Variants in GRID2 observed in about 807,000 individuals in gnomAD.
GRID2 encodes the protein glutamate receptor ionotropic, delta-2.
A neutral mutation model predicts 114.8 loss-of-function variants in GRID2; 33 were observed. The ratio of observed to expected loss-of-function variants is 0.29; its 90% CI spans 0.22 to 0.38. The LOEUF (loss-of-function observed/expected upper bound fraction) is 0.38, where lower values mean the gene tolerates loss of function less well. GRID2 is among the 10% of genes least tolerant of loss of function. The pLI, the probability that GRID2 is intolerant of heterozygous loss-of-function variation, is 1.00. For synonymous variants in GRID2, 505 were observed against 449.9 expected, an observed-to-expected ratio of 1.12 and a Z score of -1.55; for missense variants, 1,184 against 1,257.7, an observed-to-expected ratio of 0.94 and a Z score of 0.89.
chr4:93,678,098 G>A (rs975687917), intron 14 of GRID2, among the ~76,000 whole-genome samples: 28 of 152,168 alleles, frequency 1.8e-4, no homozygotes, highest in African/African-American at 5.1e-4. Context: ...TGATGGAGCC[G>A]AAAGCCAAGG....
intron 13 of GRID2, among the ~76,000 whole-genome samples, chr4:93,533,294 CTTCCTTCCTTCCTTCCTTCCTTCT>C (rs1272637781): frequency 1.0e-4 from 11 of 105,808 alleles, no homozygotes; most frequent in Non-Finnish European, 2.0e-4. Flanking sequence ...TCCTTCCTTC[CTTCCTTCCTTCCTTCCTTCCTTCT>C]TTCCTTTCTT....
chr4:93,406,586 A>G (rs1043513801), intron 9 of GRID2, among the ~76,000 whole-genome samples: 8 of 152,184 alleles, frequency 5.3e-5, no homozygotes, highest in Admixed American at 2.0e-4. Context: ...GCCAGAGCTC[A>G]CACATGATTT....
chr4:93,691,720 T>C (rs1219546265), intron 14 of GRID2, among the ~76,000 whole-genome samples: 1 of 152,014 alleles, frequency 6.6e-6, no homozygotes, highest in Non-Finnish European at 1.5e-5. Flanking sequence ...AAATAGAAAA[T>C]AAATTATAGT....
rs139928818 is a variant in GRID2, at chr4:93,581,091, C to A, written c.2194-45178C>A. 3.1e-3 allele frequency among the ~76,000 whole-genome samples: 462 copies of A among 151,044 alleles called. 1 individual carries two copies. The highest frequency in any genetic ancestry group is 0.011 in the African/African-American group (440 of 41,032). ...GGTATTTCTCCTCATGCTATCCCTCCCCTAGTCCCCCACCCCCCAACAGCC... is the reference window on the plus strand; with the variant it reads ...GGTATTTCTCCTCATGCTATCCCTCACCTAGTCCCCCACCCCCCAACAGCC... On this transcript the variant is annotated intron_variant, in intron 13 of 15. Coordinates refer to ENST00000282020, the MANE Select transcript of GRID2 (RefSeq NM_001510.4).
intron 13 of GRID2, among the ~76,000 whole-genome samples, chr4:93,528,563 A>G (rs1252261615): frequency 6.6e-6 from 1 of 152,138 alleles, no homozygotes; most frequent in Admixed American, 6.6e-5. Flanking sequence ...ATAAACTTCA[A>G]TAACTATCTT....
At chr4:92,740,653 G>A (rs1311333304) in intron 2 of GRID2, among the ~76,000 whole-genome samples, 1 of 151,764 alleles carries the variant, frequency 6.6e-6, no homozygotes, top group Non-Finnish European at 1.5e-5. Context: ...CATAATGGTA[G>A]CACATCATGT....
rs1378093141 is a variant in GRID2 at position 93,317,837 on chromosome 4, G to T, written c.1246-77770G>T. ...TTATCTCTTTAAGTAGTGAAGAGAG[G>T]TTATGTGTCTGTTTCCTGCATTGAT... On this transcript the variant is annotated intron_variant, in intron 8 of 15. Coordinates refer to ENST00000282020, the MANE Select transcript of GRID2 (RefSeq NM_001510.4). Among the ~76,000 whole-genome samples the T allele has an allele frequency of 9.3e-5, 14 of 151,242 alleles. No homozygotes were observed. In the East Asian group the frequency reaches 9.7e-4, roughly 10 times the overall value.
At chr4:93,321,696 A>T (rs1011763693) in intron 8 of GRID2, among the ~76,000 whole-genome samples, 5 of 151,300 alleles carry the variant, frequency 3.3e-5, no homozygotes, top group Non-Finnish European at 5.9e-5. Flanking sequence ...CACTTCTGGG[A>T]TATTATATTC....
At chr4:92,635,381 T>G (rs944682419) in intron 2 of GRID2, among the ~76,000 whole-genome samples, 1 of 152,148 alleles carries the variant, frequency 6.6e-6, no homozygotes, top group Non-Finnish European at 1.5e-5. Context: ...CTGTATCTTC[T>G]CTTCTGAGGT....
intron 1 of GRID2, among the ~76,000 whole-genome samples, chr4:92,392,001 T>G (rs1467301785): frequency 6.6e-6 from 1 of 152,212 alleles, no homozygotes; most frequent in Non-Finnish European, 1.5e-5. Flanking sequence ...GTCTTCCTTC[T>G]GTTTTTGAAA....
intron 6 of GRID2, among the ~76,000 whole-genome samples, chr4:93,222,955 G>A (rs1381526101): frequency 6.6e-6 from 1 of 152,088 alleles, no homozygotes; most frequent in Non-Finnish European, 1.5e-5. Flanking sequence ...TTAAATACAC[G>A]TTCACCAAAG....
intron 1 of GRID2, among the ~76,000 whole-genome samples, chr4:92,359,735 A>G (rs1728523562): frequency 6.6e-6 from 1 of 151,912 alleles, no homozygotes. Context: ...GAAGTGGCAC[A>G]CCTGCTCTGC....
rs114800201 is a variant in GRID2 at position 92,623,068 on chromosome 4, A to G, written c.244+32782A>G. On this transcript the variant is annotated intron_variant, in intron 2 of 15. Transcript: ENST00000282020. ...TTTTCTAGAATTAATATTTAAATCAACTTTAAATTGGTCTATAAAAAACTA... is the reference window on the plus strand; with the variant it reads ...TTTTCTAGAATTAATATTTAAATCAGCTTTAAATTGGTCTATAAAAAACTA... Among the ~76,000 whole-genome samples, 614 of 151,836 alleles carry G rather than the reference A, an allele frequency of 4.0e-3. 7 individuals are homozygous for G. The highest frequency in any genetic ancestry group is 0.014 in the African/African-American group (578 of 41,498).
chr4:92,898,145 A>G (rs546224981), intron 2 of GRID2, among the ~76,000 whole-genome samples: 2 of 152,300 alleles, frequency 1.3e-5, no homozygotes, highest in African/African-American at 4.8e-5. Flanking sequence ...TTGAAAATAC[A>G]TGGGATATAT....
At chr4:93,779,765 G>C (rs1384094889) in intron 1 of GRID2, among the ~76,000 whole-genome samples, 1 of 152,194 alleles carries the variant, frequency 6.6e-6, no homozygotes, top group East Asian at 1.9e-4. Flanking sequence ...TTTTGTACCA[G>C]AGGTTACAGT....
chr4:93,008,953 C>G (rs1721839702), intron 2 of GRID2, among the ~76,000 whole-genome samples: 2 of 152,072 alleles, frequency 1.3e-5, no homozygotes, highest in Admixed American at 6.6e-5. Context: ...ACCATATGTT[C>G]TCTTCACAAA....
chr4:93,112,919 C>T (rs894719283), intron 4 of GRID2, among the ~76,000 whole-genome samples: 3 of 152,054 alleles, frequency 2.0e-5, no homozygotes, highest in Non-Finnish European at 4.4e-5. Context: ...GAGGGTTCAC[C>T]CTAATGACCT....
At chr4:93,791,768 T>A (rs1734699602) in intron 1 of GRID2, among the ~76,000 whole-genome samples, 1 of 152,166 alleles carries the variant, frequency 6.6e-6, no homozygotes, top group African/African-American at 2.4e-5. Context: ...CTCCCTGCTG[T>A]CTTTTGTAGA....
rs548266483 is a variant in GRID2 at position 93,495,566 on chromosome 4, G to A, written c.1997+4789G>A. 2.0e-5 allele frequency among the ~76,000 whole-genome samples: 3 copies of A among 151,870 alleles called. No individual in the cohort carries two copies. The South Asian group carries it at 6.2e-4, about 31-fold the overall frequency. On this transcript the variant is annotated intron_variant, in intron 12 of 15. Coordinates refer to ENST00000282020, the MANE Select transcript of GRID2 (RefSeq NM_001510.4). Reference sequence around the variant, plus strand: ...TAAGGAATTTGGAATTTTTCCTGGAGGTAATGGAGAGTGACGTTGTAGAAA... The same window carrying A: ...TAAGGAATTTGGAATTTTTCCTGGAAGTAATGGAGAGTGACGTTGTAGAAA...
Sources: gnomAD v4.1 joint callset for allele counts (sites outside exome capture counted in the v4.1 genomes callset) on GRCh38, gnomAD v4.1.1 for gene constraint, MANE v1.5 for transcripts, NCBI Gene and HGNC (gene_info 2026-07-23, HGNC 2026-07-21) for gene names.